The following AGL variants were observed in gnomAD, a reference collection of about 807,000 sequenced individuals.
AGL encodes the protein amylo-alpha-1,6-glucosidase and 4-alpha-glucanotransferase, also known as glycogen debranching enzyme.
AGL carries 128 observed loss-of-function variants against 199.3 expected under a neutral mutation model. The observed-to-expected ratio is 0.64, with a 90% confidence interval of 0.56 to 0.74. The LOEUF is 0.74. Among genes scored for constraint, AGL ranks in the 30% least tolerant of loss-of-function variants. The probability of loss-of-function intolerance (pLI) is 0.00; values close to 1 mark genes in which losing one functional copy is unlikely to be tolerated. For missense variants in AGL, 1,809 were observed against 1,820.8 expected (o/e 0.99, Z 0.12); for synonymous variants, 584 against 594.7 (o/e 0.98, Z 0.26).
intron 5 of AGL, among the ~76,000 whole-genome samples, chr1:99,866,383 T>G (rs1057301879): frequency 6.6e-6 from 1 of 152,206 alleles, no homozygotes; most frequent in Non-Finnish European, 1.5e-5. Context: ...CATGTTGCTC[T>G]GCAGTCTCCA....
rs515957 is a variant in AGL, at chr1:99,892,895, G to A, written c.3259+288G>A. Among the ~76,000 whole-genome samples, 102,811 of 151,670 alleles carry A rather than the reference G, an allele frequency of 0.68. 34,928 individuals are homozygous for A. Among genetic ancestry groups the A allele is most frequent in the South Asian group, 0.75 (3,605 of 4,810 alleles). ...TGTTTTTTTAAATCAAATTTATTTT[G>A]CTATTCTCTTTTCTATATTTTCCCC... On this transcript the variant is annotated intron_variant, in intron 24 of 33. Transcript: ENST00000361915.
chr1:99,855,800 CAA>C (rs879745948), intron 2 of AGL, among the ~76,000 whole-genome samples: 27 of 134,430 alleles, frequency 2.0e-4, no homozygotes, highest in African/African-American at 6.3e-4. Flanking sequence ...GACTCGGTCT[CAA>C]AAAAAAAAAA....
intron 21 of AGL, among the ~76,000 whole-genome samples, chr1:99,889,159 C>G (rs1652685041): frequency 6.6e-6 from 1 of 152,174 alleles, no homozygotes. Context: ...GTGAACAGCT[C>G]ATTAGACGAC....
intron 28 of AGL, among the ~76,000 whole-genome samples, chr1:99,911,521 C>T (rs1243522183): frequency 1.3e-5 from 2 of 152,172 alleles, no homozygotes; most frequent in Non-Finnish European, 2.9e-5. Context: ...TGGCTCACTG[C>T]AGCCTCTGTC....
intron 7 of AGL, among the ~76,000 whole-genome samples, chr1:99,871,216 G>A (rs995609567): frequency 2.6e-5 from 4 of 152,130 alleles, no homozygotes; most frequent in African/African-American, 9.7e-5. Flanking sequence ...AACAAGTTTT[G>A]AAATTGAGAG....
At position 99,870,488 on chromosome 1, in the gene AGL, C is replaced by T. The variant is rs772247348; in HGVS notation, c.753C>T (p.Asp251=). The T allele has an allele frequency of 4.2e-5, 67 of 1,613,800 alleles. No homozygotes were observed. Among genetic ancestry groups the T allele is most frequent in the Non-Finnish European group, 5.3e-5 (62 of 1,179,918 alleles). The change falls in exon 6 of 34, where the codon GAC becomes GAT. Residue 251 remains aspartate, a synonymous_variant. Coordinates refer to ENST00000361915, the MANE Select transcript of AGL (RefSeq NM_000642.3). ...ACTTAAAACCTGCCTGGGTCTTAGA[C>T]AGAGCACTTTGGCGTTTCTCCTGTG... is the stretch of plus-strand genomic sequence containing the variant. The part of the protein sequence containing the change: ...SPHLKPAWVL[D]RALWRFSCDV...
chr1:99,876,099 T>A (rs1012659298), intron 10 of AGL, among the ~76,000 whole-genome samples: 5 of 152,214 alleles, frequency 3.3e-5, no homozygotes, highest in Non-Finnish European at 5.9e-5. Flanking sequence ...GGTCTCAAAC[T>A]CCTGACCTCA....
intron 2 of AGL, among the ~76,000 whole-genome samples, chr1:99,859,186 T>C (rs1472362062): frequency 6.6e-6 from 1 of 152,222 alleles, no homozygotes; most frequent in African/African-American, 2.4e-5. Context: ...TTAGTCATTC[T>C]TGTGAGATGT....
In AGL at chr1:99,884,656, C is replaced by G; in HGVS notation, c.2634C>G (p.Ser878Arg). Residue 878 changes from serine (S) to arginine (R), a missense_variant, in exon 20 of 34, where the codon AGC (serine) becomes AGG (arginine). Physicochemically the swap from Ser to Arg is moderately radical, Grantham distance 110. Transcript: ENST00000361915. ...TQFSPHFKSG[S>R]LAVDNADPIL... is the part of the protein sequence containing the mutation. ...TCAGTCCTCACTTTAAATCTGGCAG[C>G]CTAGCTGTTGACAATGCAGATCCTA... The G allele has an allele frequency of 6.2e-7, 1 of 1,613,952 alleles. No homozygotes were observed. The highest frequency in any genetic ancestry group is 8.5e-7 in the Non-Finnish European group (1 of 1,179,918).
intron 24 of AGL, 92 bp from the exon 25 acceptor site, chr1:99,896,194 G>C (rs1653298372): frequency 8.7e-7 from 1 of 1,147,484 alleles, no homozygotes; most frequent in Non-Finnish European, 1.3e-6. Flanking sequence ...TTGTACCCCA[G>C]GTTTAGAGTA....
chr1:99,901,301 C>T (rs1296032334), intron 26 of AGL, among the ~76,000 whole-genome samples: 1 of 147,150 alleles, frequency 6.8e-6, no homozygotes, highest in African/African-American at 2.5e-5. Context: ...ATCTCAGCTT[C>T]TCAGGAGGCT....
rs79240699 is a variant in AGL, at chr1:99,853,357, G to A, written c.82+2233G>A. Among the ~76,000 whole-genome samples, 286 of 152,094 alleles carry A rather than the reference G, an allele frequency of 1.9e-3. 2 individuals are homozygous for A. Among genetic ancestry groups the A allele is most frequent in the African/African-American group, 6.5e-3 (268 of 41,466 alleles). ...TTTTCTCATGCCTGTCCTTATACCCGTACTCCCATCAGATTCCTTTATATC... is the reference window on the plus strand; with the variant it reads ...TTTTCTCATGCCTGTCCTTATACCCATACTCCCATCAGATTCCTTTATATC... On this transcript the variant is annotated intron_variant, in intron 2 of 33. Coordinates refer to ENST00000361915, the MANE Select transcript of AGL (RefSeq NM_000642.3).
rs1051866216 is a variant in AGL, at chr1:99,875,494, A to G, written c.1283+39A>G. On this transcript the variant is annotated intron_variant, in intron 10 of 33. Transcript: ENST00000361915. ...GTTTTTTTTCTTATTGATGGTTGAA[A>G]ACTGAAAATTGTATTTAACTTTTGA... is the stretch of plus-strand genomic sequence containing the variant. The G allele has an allele frequency of 7.8e-6, 12 of 1,528,924 alleles. No individual in the cohort carries two copies. The African/African-American group carries it at 1.2e-4, about 16-fold the overall frequency. 94.7% of individuals were successfully genotyped at this position (1,528,924 alleles called of 1,614,324 possible).
At chr1:99,883,241 T>C (rs1176450731) in intron 17 of AGL, among the ~76,000 whole-genome samples, 6 of 152,140 alleles carry the variant, frequency 3.9e-5, no homozygotes, top group Non-Finnish European at 5.9e-5. Flanking sequence ...GATCAAAAGG[T>C]TCTGTTACCT....
At position 99,884,530 on chromosome 1, in the gene AGL, A is replaced by G. The variant is rs1443774059; in HGVS notation, c.2547-39A>G. The G allele has an allele frequency of 5.0e-6, 8 of 1,609,716 alleles. No homozygotes were observed. In the East Asian group the frequency reaches 1.3e-4, roughly 27 times the overall value. Reference sequence around the variant, plus strand: ...ATATCCTGTTAAATTTGAATAAATTACTCCTAAAAATTAACCACTTTTTAA... The same window carrying G: ...ATATCCTGTTAAATTTGAATAAATTGCTCCTAAAAATTAACCACTTTTTAA... On this transcript the variant is annotated intron_variant, in intron 19 of 33. Coordinates refer to ENST00000361915, the MANE Select transcript of AGL (RefSeq NM_000642.3).
intron 25 of AGL, among the ~76,000 whole-genome samples, chr1:99,900,055 G>T (rs1653698609): frequency 6.6e-6 from 1 of 151,680 alleles, no homozygotes; most frequent in South Asian, 2.1e-4. Flanking sequence ...TAAGCCTTCT[G>T]AGTAGCTGGG....
chr1:99,894,216 T>C (rs2100798015), intron 24 of AGL, among the ~76,000 whole-genome samples: 1 of 152,172 alleles, frequency 6.6e-6, no homozygotes, highest in African/African-American at 2.4e-5. Context: ...TAGCCTGTTC[T>C]AATAATTGAC....
chr1:99,893,264 T>C (rs1233756778), intron 24 of AGL, among the ~76,000 whole-genome samples: 1 of 152,214 alleles, frequency 6.6e-6, no homozygotes, highest in Non-Finnish European at 1.5e-5. Flanking sequence ...GAAATAGTAT[T>C]ATCTGTGTAA....
rs575117427 is a variant in AGL, at chr1:99,870,098, A to G, written c.665-302A>G. 2.6e-5 allele frequency among the ~76,000 whole-genome samples: 4 copies of G among 152,302 alleles called. No individual in the cohort carries two copies. The East Asian group carries it at 7.7e-4, about 29-fold the overall frequency. On this transcript the variant is annotated intron_variant, in intron 5 of 33. Transcript: ENST00000361915. ...TTTATCCAACTTATCAAAACAACGT[A>G]TTTCATTAACACTTTAGGATGAGCC...
Sources: gnomAD v4.1 joint callset for allele counts (sites outside exome capture counted in the v4.1 genomes callset) on GRCh38, gnomAD v4.1.1 for gene constraint, MANE v1.5 for transcripts, NCBI Gene and HGNC (gene_info 2026-07-23, HGNC 2026-07-21) for gene names.